RNF213: variants seen among roughly 807,000 people sequenced by gnomAD.
RNF213 encodes ring finger protein 213.
Under a neutral mutation model 514.4 loss-of-function variants are expected in RNF213, and 341 were observed. That is an observed-to-expected ratio of 0.66 (90% confidence interval 0.61 to 0.73). The LOEUF is 0.73. Ranked by LOEUF, RNF213 falls within the 30% of genes least tolerant of loss-of-function variation. RNF213 has a pLI of 0.00. For synonymous variants in RNF213, 2,655 were observed against 2,658.2 expected, an observed-to-expected ratio of 1.00 and a Z score of 0.04; for missense variants, 5,767 against 6,615.6, an observed-to-expected ratio of 0.87 and a Z score of 4.45.
rs769901817 is a variant in RNF213, at chr17:80,393,794, T to G, written c.*296T>G. ...TGGAAATAAACCAACATTGTTTACA[T>G]TCCAGGAGACTTGTAGCTCAGCCAC... On this transcript the variant is annotated 3_prime_UTR_variant, in exon 68 of 68. Transcript: ENST00000582970. The G allele has an allele frequency of 2.3e-5, 9 of 387,130 alleles. No homozygotes were observed. The highest frequency in any genetic ancestry group is 4.4e-5 in the Non-Finnish European group (9 of 203,380). The allele number at this position is 387,130 out of a possible 1,614,324, so 24.0% of individuals were successfully genotyped here.
At position 80,304,300 on chromosome 17, in the gene RNF213, C is replaced by T. The variant is rs957899654; in HGVS notation, c.2211-1952C>T. On this transcript the variant is annotated intron_variant, in intron 11 of 67. Coordinates refer to ENST00000582970, the MANE Select transcript of RNF213 (RefSeq NM_001256071.3). ...AGAATCAGCATTATTTAAGGGCCTT[C>T]GCTGAGCCCACTTGGGCTGTTTGAT... 1.7e-4 allele frequency among the ~76,000 whole-genome samples: 26 copies of T among 152,056 alleles called. 1 individual carries two copies. Among genetic ancestry groups the T allele is most frequent in the Admixed American group, 7.2e-4 (11 of 15,250 alleles).
rs745353314 is a variant in RNF213 at position 80,346,403 on chromosome 17, G to T, written c.8068G>T (p.Gly2690Trp). The change falls in exon 29 of 68, where the codon GGG (glycine) becomes TGG (tryptophan). Residue 2690 changes from glycine to tryptophan, a missense_variant. By Grantham distance (184) the Gly-to-Trp change is radical (BLOSUM62 -2). This residue lies in a region of RNF213 where 1,377 missense variants were observed against 1,635.2 expected (regional missense o/e 0.84). Transcript: ENST00000582970. The surrounding 1 kb of genome is among the most constrained non-coding windows in gnomAD (Gnocchi z 8.1). ...PVLWSLMLAI[G>W]VCYHASLEKK... ...CCTCTGGTCGTTGATGCTGGCCATC[G>T]GGGTGTGTTACCATGCCTCTTTAGA... is the stretch of plus-strand genomic sequence containing the variant. 1 of 1,613,024 alleles carries T rather than the reference G, an allele frequency of 6.2e-7. No individual in the cohort carries two copies. Among genetic ancestry groups the T allele is most frequent in the Non-Finnish European group, 8.5e-7 (1 of 1,179,978 alleles).
At position 80,362,761 on chromosome 17, in the gene RNF213, T is replaced by C. The variant is rs116306771; in HGVS notation, c.11356-341T>C. 4.9e-3 allele frequency among the ~76,000 whole-genome samples: 752 copies of C among 152,216 alleles called. 3 individuals are homozygous for C. The highest frequency in any genetic ancestry group is 0.017 in the African/African-American group (707 of 41,534). On this transcript the variant is annotated intron_variant, in intron 39 of 67. Transcript: ENST00000582970. ...TCCTTTTCAGCTTTGCTTCGAAAAA[T>C]AAGAAATAGTTTAATTGTCCGGAAA...
At chr17:80,386,985 C>A in intron 63 of RNF213, 94 bp downstream of exon 63, 1 of 1,213,932 alleles carries the variant, frequency 8.2e-7, no homozygotes, top group Non-Finnish European at 1.2e-6. Flanking sequence ...AGCAGCACCT[C>A]ACCCTGCAGT....
chr17:80,278,993 C>A (rs1434894076), intron 3 of RNF213: 3 of 1,508,558 alleles, frequency 2.0e-6, no homozygotes, highest in Non-Finnish European at 2.7e-6. Context: ...CTCGCACTTC[C>A]GGCCCTTGAG....
intron 32 of RNF213, 34 bp from the exon 33 acceptor site, chr17:80,352,906 C>CA (rs770577008): frequency 1.2e-6 from 2 of 1,613,726 alleles, no homozygotes; most frequent in Non-Finnish European, 1.7e-6. Flanking sequence ...GGGAAAGACA[C>CA]AAAGACAGTT....
Position 80,372,632 on chromosome 17 carries a change from C to A in RNF213, c.12649C>A (p.Pro4217Thr). 1 of 1,614,064 alleles carries A rather than the reference C, an allele frequency of 6.2e-7. No homozygotes were observed. The highest frequency in any genetic ancestry group is 1.1e-5 in the South Asian group (1 of 91,052). Residue 4217 changes from proline (P) to threonine (T), a missense_variant, in exon 48 of 68, where the codon CCT (proline) becomes ACT (threonine). Physicochemically the swap from Pro to Thr is conservative, Grantham distance 38. This residue lies in a region of RNF213 where 1,245 missense variants were observed against 1,339.0 expected (regional missense o/e 0.93). Coordinates refer to ENST00000582970, the MANE Select transcript of RNF213 (RefSeq NM_001256071.3). The stretch of plus-strand genomic sequence containing the variant: ...TTCTCCAGCAAGCCGGGGCCGAGAG[C>A]CTGCCAACGAGGCCTCGGTTGAATA... ...AYSPASRGRE[P>T]ANEASVEYLQ...
At position 80,309,032 on chromosome 17, in the gene RNF213, C is replaced by A. The variant is rs752476939; in HGVS notation, c.2516C>A (p.Ala839Asp). 1 of 1,614,078 alleles carries A rather than the reference C, an allele frequency of 6.2e-7. No individual in the cohort carries two copies. Among genetic ancestry groups the A allele is most frequent in the South Asian group, 1.1e-5 (1 of 91,080 alleles). The change falls in exon 14 of 68, where the codon GCC becomes GAC. Residue 839 changes from alanine to aspartate, a missense_variant. Coordinates refer to ENST00000582970, the MANE Select transcript of RNF213 (RefSeq NM_001256071.3). The stretch of plus-strand genomic sequence containing the variant: ...TTGCGGGGCAGGATTCCCGAGGAGG[C>A]CTTGTCACCATCCTACCTGACTGTG... ...DTYRDKIPEE[A>D]LSPSYLTVCL...
chr17:80,363,072 A>G, intron 39 of RNF213, 30 bp from the exon 40 acceptor site: 1 of 1,586,238 alleles, frequency 6.3e-7, no homozygotes, highest in East Asian at 2.3e-5. Flanking sequence ...TAATTTAAAA[A>G]TATATTCTAA....
chr17:80,277,414 A>G (rs2044104186), intron 3 of RNF213, among the ~76,000 whole-genome samples: 1 of 152,062 alleles, frequency 6.6e-6, no homozygotes, highest in Non-Finnish European at 1.5e-5. Context: ...CCTGACCAAC[A>G]TGGGGAAACC....
rs868297028 is a variant in RNF213 at position 80,395,735 on chromosome 17, C to T, written c.*2237C>T. The T allele has an allele frequency of 1.3e-5, 2 of 152,208 alleles. No individual in the cohort carries two copies. The highest frequency in any genetic ancestry group is 4.8e-5 in the African/African-American group (2 of 41,452). The allele number at this position is 152,208 out of a possible 1,614,324, so 9.4% of individuals were successfully genotyped here. A position where few individuals can be genotyped will look rare whatever the true frequency, so the allele number is the denominator to read the frequency against. Reference sequence around the variant, plus strand: ...AGTAACCCTTCCAGGAGCCCACTGACGTTGGAGTGCTAAAAATGCCCCTTC... The same window carrying T: ...AGTAACCCTTCCAGGAGCCCACTGATGTTGGAGTGCTAAAAATGCCCCTTC... On this transcript the variant is annotated 3_prime_UTR_variant, in exon 68 of 68. Transcript: ENST00000582970.
chr17:80,326,123 A>G (rs2046274571), intron 18 of RNF213, among the ~76,000 whole-genome samples: 1 of 151,276 alleles, frequency 6.6e-6, no homozygotes. Flanking sequence ...TGTGCCCAGC[A>G]GTTTATTTAA....
intron 67 of RNF213, among the ~76,000 whole-genome samples, chr17:80,393,123 CAT>C (rs2080549552): frequency 6.6e-6 from 1 of 151,796 alleles, no homozygotes; most frequent in Non-Finnish European, 1.5e-5. Flanking sequence ...GGACTATAGG[CAT>C]ACACCACCAC....
chr17:80,314,111 G>C (rs2045723835), intron 15 of RNF213, among the ~76,000 whole-genome samples: 1 of 111,070 alleles, frequency 9.0e-6, no homozygotes, highest in East Asian at 2.4e-4. Context: ...TGGAGGTGAT[G>C]GTGGTGGTGA....
chr17:80,283,601 TC>T, intron 3 of RNF213, among the ~76,000 whole-genome samples: 1 of 152,244 alleles, frequency 6.6e-6, no homozygotes, highest in South Asian at 2.1e-4. Flanking sequence ...GGCTGGCCAC[TC>T]CCCTCCTGCA....
rs1465120759 is a variant in RNF213, at chr17:80,306,249, C to T, written c.2211-3C>T. 6.2e-7 allele frequency: 1 copy of T among 1,613,858 alleles called. No individual in the cohort carries two copies. The highest frequency in any genetic ancestry group is 1.7e-5 in the Admixed American group (1 of 60,014). On this transcript the variant is annotated splice_region_variant and splice_polypyrimidine_tract_variant and intron_variant, in intron 11 of 67. Transcript: ENST00000582970. ...TTTCTCCGTCCCTATTTCTCTTATG[C>T]AGGAGTTCCCTACTTCAGTTTATGA... is the stretch of plus-strand genomic sequence containing the variant.
intron 3 of RNF213, 111 bp from the exon 4 acceptor site, chr17:80,287,704 G>C (rs1225539416): frequency 6.8e-6 from 6 of 877,872 alleles, no homozygotes; most frequent in Admixed American, 2.0e-5. Flanking sequence ...TAGGTACTTT[G>C]GTCGAGCCAA....
chr17:80,364,592 A>C (rs1568138175), intron 42 of RNF213, 39 bp downstream of exon 42: 3 of 1,613,652 alleles, frequency 1.9e-6, no homozygotes, highest in East Asian at 4.5e-5. Flanking sequence ...GCACGGATCC[A>C]CCCTTTTCCG....
At chr17:80,299,849 T>A (rs2045108941) in intron 11 of RNF213, among the ~76,000 whole-genome samples, 1 of 152,204 alleles carries the variant, frequency 6.6e-6, no homozygotes, top group African/African-American at 2.4e-5. Flanking sequence ...TTGCTAAGGA[T>A]AATGGCCTCC....
Sources: allele counts gnomAD v4.1 joint callset (sites outside exome capture counted in the v4.1 genomes callset), GRCh38; gene constraint gnomAD v4.1.1; regional missense constraint gnomAD v4.1.1; non-coding constraint Gnocchi (gnomAD v3.1); transcripts MANE v1.5; gene names NCBI Gene and HGNC (gene_info 2026-07-23, HGNC 2026-07-21).